FOXO3B: variants seen among roughly 807,000 people sequenced by gnomAD.
FOXO3B encodes forkhead box O3B.
Under a neutral mutation model 21.9 loss-of-function variants are expected in FOXO3B, and 15 were observed. That is an observed-to-expected ratio of 0.68 (90% confidence interval 0.46 to 1.05). FOXO3B has a LOEUF of 1.05. FOXO3B is among the 50% of genes least tolerant of loss of function. FOXO3B has a pLI of 0.00. For synonymous variants in FOXO3B, 135 were observed against 213.6 expected, an observed-to-expected ratio of 0.63 and a Z score of 3.21; for missense variants, 293 against 435.5, an observed-to-expected ratio of 0.67 and a Z score of 2.91.
At position 18,677,366 on chromosome 17, in the gene FOXO3B, C is replaced by T. The variant is rs1331808118; in HGVS notation, c.126+3375G>A. On this transcript the variant is annotated intron_variant, in intron 3 of 3. Transcript: ENST00000395675. The stretch of plus-strand genomic sequence containing the variant: ...TCCACCCGAACTTGGGCGCCAATGG[C>T]GAGATGTGCGTCAACGTGCTCAAGA... 85 of 1,613,026 alleles carry T rather than the reference C, an allele frequency of 5.3e-5. 1 individual carries two copies. Among genetic ancestry groups the T allele is most frequent in the Middle Eastern group, 3.3e-4 (2 of 6,068 alleles).
Position 18,671,681 on chromosome 17 carries a change from C to T in FOXO3B, c.*628G>A, listed in dbSNP as rs2032366541. On this transcript the variant is annotated 3_prime_UTR_variant, in exon 4 of 4. Coordinates refer to ENST00000395675, the MANE Select transcript of FOXO3B (RefSeq NM_001368135.1). The stretch of plus-strand genomic sequence containing the variant: ...TCAGGCCCGAGCCCTTGGTGGTATA[C>T]GGGAAGCTAGAACTCCGCTGCATGA... 3.7e-6 allele frequency: 6 copies of T among 1,613,768 alleles called. No homozygotes were observed. The highest frequency in any genetic ancestry group is 4.2e-6 in the Non-Finnish European group (5 of 1,179,972).
Position 18,671,920 on chromosome 17 carries a change from A to C in FOXO3B, c.*389T>G, listed in dbSNP as rs1042793311. 8.7e-6 allele frequency: 14 copies of C among 1,613,398 alleles called. No individual in the cohort carries two copies. Among genetic ancestry groups the C allele is most frequent in the Non-Finnish European group, 1.2e-5 (14 of 1,179,748 alleles). On this transcript the variant is annotated 3_prime_UTR_variant, in exon 4 of 4. Coordinates refer to ENST00000395675, the MANE Select transcript of FOXO3B (RefSeq NM_001368135.1). ...CGAGAGAGGCGCATCGTCGTCCTGG[A>C]CTTCATCCAACTCTGTGCTTGCCAT...
At chr17:18,673,601 A>G (rs2032419988) in intron 3 of FOXO3B, among the ~76,000 whole-genome samples, 1 of 152,122 alleles carries the variant, frequency 6.6e-6, no homozygotes, top group African/African-American at 2.4e-5. Context: ...AGATGGAAGA[A>G]GAGTAGTTGT....
rs2032327309 is a variant in FOXO3B, at chr17:18,669,673, C to A, written c.*2636G>T. On this transcript the variant is annotated 3_prime_UTR_variant, in exon 4 of 4. Coordinates refer to ENST00000395675, the MANE Select transcript of FOXO3B (RefSeq NM_001368135.1). Reference sequence around the variant, plus strand: ...GTTAAAACTGCCCTATTTTGTACTTCCATTGAGTCGCTTGTACAATTACAA... The same window carrying A: ...GTTAAAACTGCCCTATTTTGTACTTACATTGAGTCGCTTGTACAATTACAA... 6.6e-6 allele frequency among the ~76,000 whole-genome samples: 1 copy of A among 152,198 alleles called. No individual in the cohort carries two copies. Among genetic ancestry groups the A allele is most frequent in the South Asian group, 2.1e-4 (1 of 4,816 alleles).
At chr17:18,674,434 G>T (rs1017986975) in intron 3 of FOXO3B, among the ~76,000 whole-genome samples, 59 of 147,582 alleles carry the variant, frequency 4.0e-4, no homozygotes, top group Non-Finnish European at 6.3e-4. Flanking sequence ...GATCATCCTG[G>T]CTAACACGGT....
chr17:18,675,051 C>T (rs1333932956), intron 3 of FOXO3B, among the ~76,000 whole-genome samples: 2 of 151,750 alleles, frequency 1.3e-5, no homozygotes, highest in Non-Finnish European at 2.9e-5. Flanking sequence ...TCCAGGTATA[C>T]AAAAGGAAGG....
Position 18,671,742 on chromosome 17 carries a change from G to A in FOXO3B, c.*567C>T, listed in dbSNP as rs534997931. ...GGGCGATGGCTGGGATGGCGGGAGCGTGATGTTATCCAGCAGGTCGTCCAT... is the reference window on the plus strand; with the variant it reads ...GGGCGATGGCTGGGATGGCGGGAGCATGATGTTATCCAGCAGGTCGTCCAT... On this transcript the variant is annotated 3_prime_UTR_variant, in exon 4 of 4. Coordinates refer to ENST00000395675, the MANE Select transcript of FOXO3B (RefSeq NM_001368135.1). 5.6e-6 allele frequency: 9 copies of A among 1,613,630 alleles called. No homozygotes were observed. The highest frequency in any genetic ancestry group is 5.0e-5 in the Admixed American group (3 of 60,000).
In FOXO3B at chr17:18,672,145, G is replaced by T; in HGVS notation, c.*164C>A. Reference sequence around the variant, plus strand: ...CTTGGCTGTGCGGCCACGGCTCTTGGTATACTTGTTGCTATTGTCCATGGA... The same window carrying T: ...CTTGGCTGTGCGGCCACGGCTCTTGTTATACTTGTTGCTATTGTCCATGGA... On this transcript the variant is annotated 3_prime_UTR_variant, in exon 4 of 4. Transcript: ENST00000395675. This position sits in a 1 kb window ranked among gnomAD's most constrained non-coding sequence, Gnocchi z 4.2. The T allele has an allele frequency of 6.2e-7, 1 of 1,612,714 alleles. No homozygotes were observed. The highest frequency in any genetic ancestry group is 8.5e-7 in the Non-Finnish European group (1 of 1,179,274).
chr17:18,672,198 G>A lies in FOXO3B; in HGVS notation c.*111C>T. 1.9e-6 allele frequency: 3 copies of A among 1,613,208 alleles called. No individual in the cohort carries two copies. Among genetic ancestry groups the A allele is most frequent in the Admixed American group, 1.7e-5 (1 of 59,978 alleles). On this transcript the variant is annotated 3_prime_UTR_variant, in exon 4 of 4. Transcript: ENST00000395675. This position sits in a 1 kb window ranked among gnomAD's most constrained non-coding sequence, Gnocchi z 4.2. ...CAGCCCGCCGCCGGGGGGCTTTTCC[G>A]CTCTTCCCCCCATCAGGGTTGATGA...
chr17:18,670,457 C>G lies in FOXO3B; in HGVS notation c.*1852G>C, dbSNP rs2032342092. On this transcript the variant is annotated 3_prime_UTR_variant, in exon 4 of 4. Coordinates refer to ENST00000395675, the MANE Select transcript of FOXO3B (RefSeq NM_001368135.1). Reference sequence around the variant, plus strand: ...AGGGGAAGGACGGTTAACATTTTAACAGAAAAATACCGCAAGTTAATGCAT... The same window carrying G: ...AGGGGAAGGACGGTTAACATTTTAAGAGAAAAATACCGCAAGTTAATGCAT... 6.6e-6 allele frequency among the ~76,000 whole-genome samples: 1 copy of G among 152,146 alleles called. No individual in the cohort carries two copies. The highest frequency in any genetic ancestry group is 2.4e-5 in the African/African-American group (1 of 41,428).
chr17:18,678,896 A>C (rs1360789998), intron 3 of FOXO3B, among the ~76,000 whole-genome samples: 1 of 152,116 alleles, frequency 6.6e-6, no homozygotes, highest in Admixed American at 6.5e-5. Flanking sequence ...TTACACTTAA[A>C]TTTGGCCAAT....
At chr17:18,678,532 A>G (rs1219411499) in intron 3 of FOXO3B, among the ~76,000 whole-genome samples, 1 of 152,106 alleles carries the variant, frequency 6.6e-6, no homozygotes, top group Admixed American at 6.5e-5. Flanking sequence ...ATATTTTTAA[A>G]AATCTAACAA....
Position 18,672,031 on chromosome 17 carries a change from C to T in FOXO3B, c.*278G>A, listed in dbSNP as rs1330305115. 6.2e-6 allele frequency: 10 copies of T among 1,611,502 alleles called. No homozygotes were observed. The highest frequency in any genetic ancestry group is 5.0e-5 in the Admixed American group (3 of 59,690). On this transcript the variant is annotated 3_prime_UTR_variant, in exon 4 of 4. Transcript: ENST00000395675. The surrounding 1 kb of genome is among the most constrained non-coding windows in gnomAD (Gnocchi z 4.2). ...CGTCCACGCATCCAGCTCATCACTG[C>T]TGCGTGACGTGGGGCTGCCAGACCA...
chr17:18,680,709 G>A lies in FOXO3B; in HGVS notation c.126+32C>T, dbSNP rs761948946. 9.9e-6 allele frequency: 16 copies of A among 1,609,724 alleles called. 1 individual carries two copies. In the South Asian group the frequency reaches 1.4e-4, roughly 14 times the overall value. ...GTGCATCTGTACTCTAAGAAACAAG[G>A]TGTAATTCCAATAATCAGCAGACTC... On this transcript the variant is annotated intron_variant, in intron 3 of 3. Transcript: ENST00000395675.
At position 18,672,076 on chromosome 17, in the gene FOXO3B, C is replaced by T; in HGVS notation, c.*233G>A. ...AGACCACTTGGAGAGCTGGGAGGGACTGTCGTCAGCTGATTCGGGGGCTGT... is the reference window on the plus strand; with the variant it reads ...AGACCACTTGGAGAGCTGGGAGGGATTGTCGTCAGCTGATTCGGGGGCTGT... On this transcript the variant is annotated 3_prime_UTR_variant, in exon 4 of 4. Transcript: ENST00000395675. This position sits in a 1 kb window ranked among gnomAD's most constrained non-coding sequence, Gnocchi z 4.2. The T allele has an allele frequency of 6.2e-7, 1 of 1,610,186 alleles. No individual in the cohort carries two copies. The highest frequency in any genetic ancestry group is 8.5e-7 in the Non-Finnish European group (1 of 1,178,022).
rs1597494676 is a variant in FOXO3B at position 18,671,976 on chromosome 17, G to A, written c.*333C>T. On this transcript the variant is annotated 3_prime_UTR_variant, in exon 4 of 4. Coordinates refer to ENST00000395675, the MANE Select transcript of FOXO3B (RefSeq NM_001368135.1). ...GCGACAGGCGGCCACTGACTGTGCT[G>A]GCGTTAGAATTGGTGCGTGAACGGA... 3.7e-6 allele frequency: 6 copies of A among 1,613,080 alleles called. No homozygotes were observed. In the East Asian group the frequency reaches 1.3e-4, roughly 36 times the overall value.
chr17:18,677,451 A>G (rs2032510874), intron 3 of FOXO3B: 2 of 1,614,138 alleles, frequency 1.2e-6, no homozygotes, highest in Non-Finnish European at 1.7e-6. Flanking sequence ...GTGCCTGCTG[A>G]TCCACCCTAA....
In FOXO3B at chr17:18,668,373, T is replaced by G. The variant is rs2032305600; in HGVS notation, c.*3936A>C. On this transcript the variant is annotated 3_prime_UTR_variant, in exon 4 of 4. Transcript: ENST00000395675. ...TTTTATGCTGCCTTGCCCTTGTACC[T>G]TCTCTGTCCCTTCCTCAGCTGTTTC... The G allele has an allele frequency of 6.6e-6, 1 of 152,622 alleles. No homozygotes were observed. Among genetic ancestry groups the G allele is most frequent in the African/African-American group, 2.4e-5 (1 of 41,466 alleles). The allele number at this position is 152,622 out of a possible 1,614,324, so 9.5% of individuals were successfully genotyped here.
At position 18,672,659 on chromosome 17, in the gene FOXO3B, A is replaced by C; in HGVS notation, c.523T>G (p.Ser175Ala). Residue 175 changes from serine to alanine, a missense_variant, in exon 4 of 4, where the codon TCC becomes GCC. Around this residue, in one of 2 missense-constraint regions of FOXO3B, gnomAD observed 251 missense variants for 404.0 expected, o/e 0.62. Transcript: ENST00000395675. This position sits in a 1 kb window ranked among gnomAD's most constrained non-coding sequence, Gnocchi z 4.2. Reference sequence around the variant, plus strand: ...ACCGAGTCCTCAAGGAGCAGCCCGGAGACCAGCGTGCGGCTCCCGCCGCCG... The same window carrying C: ...ACCGAGTCCTCAAGGAGCAGCCCGGCGACCAGCGTGCGGCTCCCGCCGCCG... ...GGGGGSRTLV[S>A]GLLLEDSVRV... 2 of 1,512,390 alleles carry C rather than the reference A, an allele frequency of 1.3e-6. No individual in the cohort carries two copies. Among genetic ancestry groups the C allele is most frequent in the South Asian group, 1.2e-5 (1 of 80,792 alleles). 93.7% of individuals were successfully genotyped at this position (1,512,390 alleles called of 1,614,324 possible). A position where few individuals can be genotyped will look rare whatever the true frequency, so the allele number is the denominator to read the frequency against.
Sources: allele counts gnomAD v4.1 joint callset (sites outside exome capture counted in the v4.1 genomes callset), GRCh38; gene constraint gnomAD v4.1.1; regional missense constraint gnomAD v4.1.1; non-coding constraint Gnocchi (gnomAD v3.1); transcripts MANE v1.5; gene names NCBI Gene and HGNC (gene_info 2026-07-23, HGNC 2026-07-21).